Variants in TMEM141 observed in about 807,000 individuals in gnomAD.
TMEM141 encodes transmembrane protein 141.
In TMEM141, 18 loss-of-function variants were observed where a neutral mutation model predicts 15.9. That is an observed-to-expected ratio of 1.13 (90% confidence interval 0.78 to 1.68). TMEM141 has a LOEUF of 1.68. Among genes scored for constraint, TMEM141 ranks in the 40% most tolerant of loss-of-function variants. The pLI, the probability that TMEM141 is intolerant of heterozygous loss-of-function variation, is 0.00. For missense variants in TMEM141, 161 were observed against 139.5 expected, an observed-to-expected ratio of 1.15 and a Z score of -0.78; for synonymous variants, 69 against 54.0, an observed-to-expected ratio of 1.28 and a Z score of -1.22.
chr9:136,792,239 C>T lies in TMEM141; in HGVS notation c.206-12C>T, dbSNP rs1261300961. On this transcript the variant is annotated splice_polypyrimidine_tract_variant and intron_variant, in intron 3 of 4. Transcript: ENST00000290079. ...CAGAGGCCCCAGCCCTCTTCCATTTCCTGCTCCACAGTTGCAGGCTCTGTG... is the reference window on the plus strand; with the variant it reads ...CAGAGGCCCCAGCCCTCTTCCATTTTCTGCTCCACAGTTGCAGGCTCTGTG... 2 of 1,568,336 alleles carry T rather than the reference C, an allele frequency of 1.3e-6. No homozygotes were observed. The highest frequency in any genetic ancestry group is 2.4e-5 in the East Asian group (1 of 42,406).
chr9:136,792,798 G>A, intron 4 of TMEM141, 21 bp from the exon 5 acceptor site: 1 of 1,550,724 alleles, frequency 6.4e-7, no homozygotes, highest in Non-Finnish European at 8.7e-7. Flanking sequence ...GTTCGAGCTT[G>A]TCTCTCTTTG....
In TMEM141 at chr9:136,792,884, C is replaced by T; in HGVS notation, c.*52C>T. Reference sequence around the variant, plus strand: ...TTGGGGGCAGGAGGAGTCTGGAACACAGCCTTCATGCCCCCTGACCCCAGG... The same window carrying T: ...TTGGGGGCAGGAGGAGTCTGGAACATAGCCTTCATGCCCCCTGACCCCAGG... On this transcript the variant is annotated 3_prime_UTR_variant, in exon 5 of 5. Transcript: ENST00000290079. 1 of 1,485,892 alleles carries T rather than the reference C, an allele frequency of 6.7e-7. No individual in the cohort carries two copies. Among genetic ancestry groups the T allele is most frequent in the South Asian group, 1.4e-5 (1 of 70,744 alleles). 92.0% of individuals were successfully genotyped at this position (1,485,892 alleles called of 1,614,324 possible). A position where few individuals can be genotyped will look rare whatever the true frequency, so the allele number is the denominator to read the frequency against.
chr9:136,792,245 C>A lies in TMEM141; in HGVS notation c.206-6C>A. 6.4e-7 allele frequency: 1 copy of A among 1,572,708 alleles called. No individual in the cohort carries two copies. The highest frequency in any genetic ancestry group is 1.2e-5 in the South Asian group (1 of 86,170). The stretch of plus-strand genomic sequence containing the variant: ...CCCCAGCCCTCTTCCATTTCCTGCT[C>A]CACAGTTGCAGGCTCTGTGGTCAGC... On this transcript the variant is annotated splice_polypyrimidine_tract_variant and splice_region_variant and intron_variant, in intron 3 of 4. Coordinates refer to ENST00000290079, the MANE Select transcript of TMEM141 (RefSeq NM_032928.4).
chr9:136,792,625 G>A (rs895604910), intron 4 of TMEM141, among the ~76,000 whole-genome samples, 194 bp from the exon 5 acceptor site: 1 of 152,212 alleles, frequency 6.6e-6, no homozygotes, highest in Admixed American at 6.5e-5. Flanking sequence ...GAAGGGTGTG[G>A]CAAGGCCACA....
At chr9:136,792,732 AC>A in intron 4 of TMEM141, 86 bp from the exon 5 acceptor site, 1 of 1,062,776 alleles carries the variant, frequency 9.4e-7, no homozygotes, top group Non-Finnish European at 1.4e-6. Flanking sequence ...TTGTTACGGA[AC>A]CCAGTTTCTG....
rs1847604630 is a variant in TMEM141, at chr9:136,792,838, C to T, written c.*6C>T. 1.3e-6 allele frequency: 2 copies of T among 1,561,536 alleles called. No homozygotes were observed. Among genetic ancestry groups the T allele is most frequent in the African/African-American group, 2.7e-5 (2 of 72,956 alleles). ...TTACAGATCAGAGAAGCTAGGAGAG[C>T]TCCAGCAGGGGCACAGAGGATTGGG... On this transcript the variant is annotated 3_prime_UTR_variant, in exon 5 of 5. Coordinates refer to ENST00000290079, the MANE Select transcript of TMEM141 (RefSeq NM_032928.4).
At chr9:136,792,202 G>C in intron 3 of TMEM141, 49 bp from the exon 4 acceptor site, 1 of 1,539,376 alleles carries the variant, frequency 6.5e-7, no homozygotes, top group Admixed American at 1.9e-5. Context: ...GGTTCTCTTA[G>C]CCTGGGAAGC....
Position 136,792,331 on chromosome 9 carries a change from G to T in TMEM141, c.286G>T (p.Gly96Trp), listed in dbSNP as rs369847010. Residue 96 changes from glycine (G) to tryptophan (W), a missense_variant, in exon 4 of 5, where the codon GGG becomes TGG. By Grantham distance (184) the Gly-to-Trp change is radical. Coordinates refer to ENST00000290079, the MANE Select transcript of TMEM141 (RefSeq NM_032928.4). ...CAACCTCTGGCTCTTCCTGGAGACC[G>T]GGCAGCTCCCCAAAGACAGGAGCAC... Reference protein sequence around the residue: ...CNNLWLFLETGQLPKDRSTDQ... With the variant: ...CNNLWLFLETWQLPKDRSTDQ... 3.7e-5 allele frequency: 58 copies of T among 1,582,500 alleles called. No homozygotes were observed. The highest frequency in any genetic ancestry group is 4.4e-5 in the Non-Finnish European group (51 of 1,163,774).
intron 1 of TMEM141, 133 bp downstream of exon 1, chr9:136,791,557 T>C: frequency 1.9e-6 from 3 of 1,562,002 alleles, no homozygotes; most frequent in Non-Finnish European, 2.6e-6. Context: ...GCTAAGGGGC[T>C]CAGGGCGTCC....
chr9:136,792,044 G>A lies in TMEM141; in HGVS notation c.205+14G>A. On this transcript the variant is annotated intron_variant, in intron 3 of 4. Transcript: ENST00000290079. ...TAGTGGCCGTGGGTGGGTACTCCAG[G>A]GCCCCTGCCTGGGCTCTTTGAGGGG... 6.2e-7 allele frequency: 1 copy of A among 1,613,652 alleles called. No homozygotes were observed. Among genetic ancestry groups the A allele is most frequent in the Non-Finnish European group, 8.5e-7 (1 of 1,179,884 alleles).
chr9:136,793,018 C>G lies in TMEM141; in HGVS notation c.*186C>G, dbSNP rs549203031. 6.8e-5 allele frequency: 51 copies of G among 748,132 alleles called. No homozygotes were observed. The Middle Eastern group carries it at 2.2e-3, about 32-fold the overall frequency. 46.3% of individuals were successfully genotyped at this position (748,132 alleles called of 1,614,324 possible). On this transcript the variant is annotated 3_prime_UTR_variant, in exon 5 of 5. Transcript: ENST00000290079. ...CTGCTGCCCCAACCTGGGACCTGCCCAGGAGGTTGGAGCAGAAAGGGCTCT... is the reference window on the plus strand; with the variant it reads ...CTGCTGCCCCAACCTGGGACCTGCCGAGGAGGTTGGAGCAGAAAGGGCTCT...
intron 1 of TMEM141, 26 bp downstream of exon 1, chr9:136,791,450 G>T: frequency 6.4e-7 from 1 of 1,551,770 alleles, no homozygotes; most frequent in South Asian, 1.2e-5. Flanking sequence ...TGGGACGCGG[G>T]CCTCAAACCC....
In TMEM141 at chr9:136,792,876, C is replaced by T. The variant is rs768201740; in HGVS notation, c.*44C>T. 4.0e-6 allele frequency: 6 copies of T among 1,502,786 alleles called. No individual in the cohort carries two copies. Among genetic ancestry groups the T allele is most frequent in the Non-Finnish European group, 4.4e-6 (5 of 1,124,046 alleles). 93.1% of individuals were successfully genotyped at this position (1,502,786 alleles called of 1,614,324 possible). ...ACAGAGGATTGGGGGCAGGAGGAGT[C>T]TGGAACACAGCCTTCATGCCCCCTG... On this transcript the variant is annotated 3_prime_UTR_variant, in exon 5 of 5. Coordinates refer to ENST00000290079, the MANE Select transcript of TMEM141 (RefSeq NM_032928.4).
chr9:136,792,837 G>C lies in TMEM141; in HGVS notation c.*5G>C, dbSNP rs757769670. The C allele has an allele frequency of 1.8e-5, 28 of 1,562,072 alleles. No homozygotes were observed. The South Asian group carries it at 3.1e-4, about 17-fold the overall frequency. ...TTTACAGATCAGAGAAGCTAGGAGA[G>C]CTCCAGCAGGGGCACAGAGGATTGG... On this transcript the variant is annotated 3_prime_UTR_variant, in exon 5 of 5. Coordinates refer to ENST00000290079, the MANE Select transcript of TMEM141 (RefSeq NM_032928.4).
At chr9:136,791,503 T>TG in intron 1 of TMEM141, 79 bp downstream of exon 1, 1 of 1,545,120 alleles carries the variant, frequency 6.5e-7, no homozygotes, top group Non-Finnish European at 8.7e-7. Context: ...GGCGTGGGGG[T>TG]GCCCTCGTCA....
intron 4 of TMEM141, 62 bp downstream of exon 4, chr9:136,792,420 G>T: frequency 7.0e-7 from 1 of 1,418,612 alleles, no homozygotes; most frequent in South Asian, 1.2e-5. Flanking sequence ...AGAGTTTTGG[G>T]CAGCCAAGCC....
intron 2 of TMEM141, 24 bp downstream of exon 2, chr9:136,791,801 C>T: frequency 6.2e-7 from 1 of 1,611,076 alleles, no homozygotes; most frequent in Non-Finnish European, 8.5e-7. Flanking sequence ...AGGTGTCCTG[C>T]GGCTGGGAGA....
chr9:136,791,423 C>G lies in TMEM141; in HGVS notation c.53C>G (p.Pro18Arg). The change falls in exon 1 of 5, where the codon CCG (proline) becomes CGG (arginine). Residue 18 changes from proline (P) to arginine (R), a missense_variant and splice_region_variant. Coordinates refer to ENST00000290079, the MANE Select transcript of TMEM141 (RefSeq NM_032928.4). ...RVDDAVAAKHPGLGEYAACQS... is the reference protein window; with the variant it reads ...RVDDAVAAKHRGLGEYAACQS... Reference sequence around the variant, plus strand: ...GACGACGCCGTGGCTGCCAAGCACCCGGTGAGAAGGCCGGTCTGGGACGCG... The same window carrying G: ...GACGACGCCGTGGCTGCCAAGCACCGGGTGAGAAGGCCGGTCTGGGACGCG... 1 of 1,557,214 alleles carries G rather than the reference C, an allele frequency of 6.4e-7. No individual in the cohort carries two copies. The highest frequency in any genetic ancestry group is 8.7e-7 in the Non-Finnish European group (1 of 1,150,796).
At chr9:136,792,189 C>G (rs983286686) in intron 3 of TMEM141, 62 bp from the exon 4 acceptor site, 43 of 1,519,232 alleles carry the variant, frequency 2.8e-5, no homozygotes, top group Non-Finnish European at 3.9e-5. Context: ...GTAGCCTGTG[C>G]CCGGTTCTCT....
Sources: allele counts gnomAD v4.1 joint callset (sites outside exome capture counted in the v4.1 genomes callset), GRCh38; gene constraint gnomAD v4.1.1; transcripts MANE v1.5; gene names NCBI Gene and HGNC (gene_info 2026-07-23, HGNC 2026-07-21).